The following GABPB2 variants were observed in gnomAD, a reference collection of about 807,000 sequenced individuals.
The protein encoded by GABPB2 is GA-binding protein subunit beta-2.
GABPB2 carries 23 observed loss-of-function variants against 39.1 expected under a neutral mutation model. The ratio of observed to expected loss-of-function variants is 0.59; its 90% CI spans 0.42 to 0.83. GABPB2 has a LOEUF of 0.83. Among genes scored for constraint, GABPB2 ranks in the 40% least tolerant of loss-of-function variants. The probability of loss-of-function intolerance (pLI) is 0.00; values close to 1 mark genes in which losing one functional copy is unlikely to be tolerated. For synonymous variants in GABPB2, 184 were observed against 199.3 expected, an observed-to-expected ratio of 0.92 and a Z score of 0.65; for missense variants, 467 against 541.1, an observed-to-expected ratio of 0.86 and a Z score of 1.36.
chr1:151,090,680 G>A (rs1411657952), intron 3 of GABPB2, 107 bp downstream of exon 3: 3 of 1,133,372 alleles, frequency 2.6e-6, no homozygotes, highest in Non-Finnish European at 3.8e-6. Context: ...TTAAGTTTAG[G>A]ACAGTTATAG....
At chr1:151,072,233 A>C (rs587716363) in intron 1 of GABPB2, among the ~76,000 whole-genome samples, 1 of 152,318 alleles carries the variant, frequency 6.6e-6, no homozygotes, top group East Asian at 1.9e-4. Flanking sequence ...CACTTCATGA[A>C]TTATTAAAAC....
chr1:151,109,427 C>T (rs145405751), intron 7 of GABPB2, among the ~76,000 whole-genome samples: 6,940 of 147,688 alleles, frequency 0.047, 280 homozygotes, highest in African/African-American at 0.1. Flanking sequence ...GGCACAATCT[C>T]GGCTCACTGC....
In GABPB2 at chr1:151,111,634, G is replaced by A. The variant is rs1027709056; in HGVS notation, c.922+4412G>A. On this transcript the variant is annotated intron_variant, in intron 7 of 8. Coordinates refer to ENST00000368918, the MANE Select transcript of GABPB2 (RefSeq NM_144618.3). ...AGAGATGGGGTTTCACTGTGGTCTCGATCTCCTGACCTCGTGATCCACCCG... is the reference window on the plus strand; with the variant it reads ...AGAGATGGGGTTTCACTGTGGTCTCAATCTCCTGACCTCGTGATCCACCCG... Among the ~76,000 whole-genome samples, 19 of 150,702 alleles carry A rather than the reference G, an allele frequency of 1.3e-4. 1 individual carries two copies. Among genetic ancestry groups the A allele is most frequent in the Non-Finnish European group, 2.1e-4 (14 of 67,702 alleles).
Position 151,073,928 on chromosome 1 carries a change from G to C in GABPB2, c.-1+2994G>C, listed in dbSNP as rs1468047098. Among the ~76,000 whole-genome samples, 4 of 145,254 alleles carry C rather than the reference G, an allele frequency of 2.8e-5. No homozygotes were observed. In the East Asian group the frequency reaches 8.8e-4, roughly 32 times the overall value. The stretch of plus-strand genomic sequence containing the variant: ...AGCAAGTCTCTGGCTAAAAAAGAAA[G>C]TAAAGAAAAAAAGAATAGCTACTCC... On this transcript the variant is annotated intron_variant, in intron 1 of 8. Transcript: ENST00000368918.
At chr1:151,086,135 C>CTCT (rs1678171653) in intron 1 of GABPB2, among the ~76,000 whole-genome samples, 1 of 152,064 alleles carries the variant, frequency 6.6e-6, no homozygotes, top group African/African-American at 2.4e-5. Context: ...GTCCCAGCTA[C>CTCT]TCGGGAAGCT....
At position 151,107,625 on chromosome 1, in the gene GABPB2, G is replaced by T. The variant is rs587728767; in HGVS notation, c.922+403G>T. On this transcript the variant is annotated intron_variant, in intron 7 of 8. Coordinates refer to ENST00000368918, the MANE Select transcript of GABPB2 (RefSeq NM_144618.3). ...CACGCACCCGGGTTCACCGCGCCCG[G>T]CCCTGATGGCTCTTAAAAATATGAA... 7.2e-5 allele frequency among the ~76,000 whole-genome samples: 11 copies of T among 152,004 alleles called. No homozygotes were observed. The South Asian group carries it at 2.3e-3, about 32-fold the overall frequency.
rs1314589450 is a variant in GABPB2 at position 151,123,929 on chromosome 1, C to G, written c.*5673C>G. On this transcript the variant is annotated 3_prime_UTR_variant, in exon 9 of 9. Transcript: ENST00000368918. ...GACATGGTGGCTCACGCCTGTAATC[C>G]CAGCACTTTGGGAGGCCGAGATGGG... is the stretch of plus-strand genomic sequence containing the variant. 1 of 149,772 alleles carries G rather than the reference C, an allele frequency of 6.7e-6. No homozygotes were observed. Among genetic ancestry groups the G allele is most frequent in the African/African-American group, 2.5e-5 (1 of 40,652 alleles). The allele number at this position is 149,772 out of a possible 1,614,324, so 9.3% of individuals were successfully genotyped here.
At chr1:151,076,479 G>A (rs1322303159) in intron 1 of GABPB2, among the ~76,000 whole-genome samples, 1 of 152,080 alleles carries the variant, frequency 6.6e-6, no homozygotes, top group African/African-American at 2.4e-5. Flanking sequence ...ACCTAGGCTG[G>A]AGTGCAGTGG....
chr1:151,094,232 A>C (rs1225678100), intron 4 of GABPB2, among the ~76,000 whole-genome samples: 1 of 151,334 alleles, frequency 6.6e-6, no homozygotes, highest in Non-Finnish European at 1.5e-5. Context: ...TTGTATTTTT[A>C]GTAGAGACAG....
At chr1:151,100,496 G>A (rs1679428989) in intron 5 of GABPB2, among the ~76,000 whole-genome samples, 1 of 149,886 alleles carries the variant, frequency 6.7e-6, no homozygotes, top group Non-Finnish European at 1.5e-5. Context: ...GCCCAGGCTG[G>A]TCTCAAACTC....
chr1:151,113,587 T>C (rs1680636993), intron 7 of GABPB2, among the ~76,000 whole-genome samples: 1 of 152,214 alleles, frequency 6.6e-6, no homozygotes, highest in African/African-American at 2.4e-5. Flanking sequence ...TTTTAACTTT[T>C]TATTTTTAGA....
intron 6 of GABPB2, 99 bp downstream of exon 6, chr1:151,103,774 A>AT: frequency 1.3e-6 from 1 of 781,662 alleles, no homozygotes; most frequent in East Asian, 2.7e-5. Context: ...AAAGAATTGC[A>AT]TTTAATTAGA....
chr1:151,085,891 C>G (rs1269228049), intron 1 of GABPB2, among the ~76,000 whole-genome samples: 1 of 152,080 alleles, frequency 6.6e-6, no homozygotes, highest in Non-Finnish European at 1.5e-5. Flanking sequence ...CTTTGGGATT[C>G]TATTGCTATG....
At chr1:151,105,755 G>A (rs1431794667) in intron 6 of GABPB2, among the ~76,000 whole-genome samples, 2 of 151,746 alleles carry the variant, frequency 1.3e-5, no homozygotes, top group Admixed American at 6.6e-5. Flanking sequence ...TCCTCCTGCC[G>A]TGGCCTCCCA....
chr1:151,103,850 T>A (rs867301577), intron 6 of GABPB2, among the ~76,000 whole-genome samples, 175 bp downstream of exon 6: 20 of 152,236 alleles, frequency 1.3e-4, no homozygotes, highest in African/African-American at 4.6e-4. Context: ...GGTGGTATAA[T>A]CAGACAGCTG....
intron 1 of GABPB2, among the ~76,000 whole-genome samples, chr1:151,074,541 G>A (rs1482507817): frequency 6.8e-6 from 1 of 147,276 alleles, no homozygotes; most frequent in African/African-American, 2.5e-5. Context: ...GGATGGTCTC[G>A]ATCTCCTGAC....
At chr1:151,108,694 A>T (rs1239683431) in intron 7 of GABPB2, among the ~76,000 whole-genome samples, 3 of 152,112 alleles carry the variant, frequency 2.0e-5, no homozygotes, top group Non-Finnish European at 2.9e-5. Context: ...ATACATTAGT[A>T]TACTGAGGCA....
chr1:151,094,387 G>A (rs1678949177), intron 4 of GABPB2, among the ~76,000 whole-genome samples: 2 of 139,410 alleles, frequency 1.4e-5, no homozygotes, highest in South Asian at 2.3e-4. Context: ...CCCCGACCCC[G>A]AGATAGAGTC....
At chr1:151,101,421 A>G (rs1042047924) in intron 5 of GABPB2, among the ~76,000 whole-genome samples, 2 of 151,904 alleles carry the variant, frequency 1.3e-5, no homozygotes, top group African/African-American at 4.8e-5. Context: ...TAAAAATACA[A>G]AAATTAGCTG....
Sources: allele counts gnomAD v4.1 joint callset (sites outside exome capture counted in the v4.1 genomes callset), GRCh38; gene constraint gnomAD v4.1.1; transcripts MANE v1.5; gene names NCBI Gene and HGNC (gene_info 2026-07-23, HGNC 2026-07-21).